Variants in STK39 observed in about 807,000 individuals in gnomAD.
STK39 encodes STE20/SPS1-related proline-alanine-rich protein kinase.
A neutral mutation model predicts 77.8 loss-of-function variants in STK39; 20 were observed. That is an observed-to-expected ratio of 0.26 (90% CI 0.18 to 0.37). The LOEUF (loss-of-function observed/expected upper bound fraction) is 0.37. STK39 is among the 10% of genes least tolerant of loss of function. The probability of loss-of-function intolerance (pLI) is 1.00; values close to 1 mark genes in which losing one functional copy is unlikely to be tolerated. For missense variants in STK39, 479 were observed against 656.5 expected (o/e 0.73, Z 2.95); for synonymous variants, 246 against 234.1 (o/e 1.05, Z -0.47).
chr2:168,098,698 T>G (rs556102797), intron 10 of STK39, among the ~76,000 whole-genome samples: 51 of 152,288 alleles, frequency 3.3e-4, no homozygotes, highest in Non-Finnish European at 6.9e-4. Flanking sequence ...CTTTCTTTTC[T>G]TGTCTCCTCT....
chr2:168,124,525 G>A (rs897343370), intron 10 of STK39, among the ~76,000 whole-genome samples: 2 of 152,014 alleles, frequency 1.3e-5, no homozygotes, highest in South Asian at 4.2e-4. Flanking sequence ...TCAGCCTCCC[G>A]AGTAGCTGGG....
At chr2:168,185,671 A>G (rs866991478) in intron 1 of STK39, among the ~76,000 whole-genome samples, 40 of 152,218 alleles carry the variant, frequency 2.6e-4, no homozygotes, top group African/African-American at 8.9e-4. Flanking sequence ...ATGAAAAACT[A>G]CAGTGTTTAT....
chr2:168,104,316 G>GA (rs1315323532), intron 10 of STK39, among the ~76,000 whole-genome samples: 4 of 151,660 alleles, frequency 2.6e-5, no homozygotes, highest in African/African-American at 7.3e-5. Flanking sequence ...TAATCATTAG[G>GA]AAAAAAAATC....
chr2:168,061,488 T>G (rs1685664043), intron 14 of STK39, among the ~76,000 whole-genome samples: 1 of 152,246 alleles, frequency 6.6e-6, no homozygotes, highest in Non-Finnish European at 1.5e-5. Flanking sequence ...TGTGCGTGTG[T>G]GTGCACATGC....
chr2:168,018,520 AAAAGAAAGAAAAG>A (rs142325773), intron 14 of STK39, among the ~76,000 whole-genome samples: 2,926 of 112,600 alleles, frequency 0.026, 145 homozygotes, highest in African/African-American at 0.1. Context: ...GAAAAGAAAG[AAAAGAAAGAAAAG>A]AAAGAAAAGA....
intron 2 of STK39, 99 bp from the exon 3 acceptor site, chr2:168,167,506 C>G: frequency 2.0e-6 from 2 of 1,015,156 alleles, no homozygotes; most frequent in South Asian, 2.9e-5. Flanking sequence ...CTTTCCTACT[C>G]GAAAGCCTAC....
Position 167,964,800 on chromosome 2 carries a change from A to G in STK39, c.1499-74T>C, listed in dbSNP as rs926067283. 4.5e-6 allele frequency: 6 copies of G among 1,331,016 alleles called. No homozygotes were observed. The African/African-American group carries it at 7.3e-5, about 16-fold the overall frequency. The allele number at this position is 1,331,016 out of a possible 1,614,324, so 82.5% of individuals were successfully genotyped here. ...CAGTGGATTTTCACATCAATGACTCAGAAAATTTGACTAATGATGCAATAA... is the reference window on the plus strand; with the variant it reads ...CAGTGGATTTTCACATCAATGACTCGGAAAATTTGACTAATGATGCAATAA... On this transcript the variant is annotated intron_variant, in intron 16 of 17. Coordinates refer to ENST00000355999, the MANE Select transcript of STK39 (RefSeq NM_013233.3).
At chr2:168,163,534 T>TA (rs1688627293) in intron 4 of STK39, 1 of 932,966 alleles carries the variant, frequency 1.1e-6, no homozygotes, top group Non-Finnish European at 1.3e-6. Flanking sequence ...TAGACTAAGT[T>TA]AAAGTAATGT....
At chr2:168,119,199 G>T (rs1339362277) in intron 10 of STK39, among the ~76,000 whole-genome samples, 1 of 152,164 alleles carries the variant, frequency 6.6e-6, no homozygotes, top group Non-Finnish European at 1.5e-5. Flanking sequence ...GGCCGATGTG[G>T]ATCACTGGGA....
chr2:167,972,917 T>G (rs535047674), intron 16 of STK39, among the ~76,000 whole-genome samples: 1 of 152,296 alleles, frequency 6.6e-6, no homozygotes, highest in Admixed American at 6.5e-5. Context: ...CCTTAATTTT[T>G]GGGCAGCTGT....
At chr2:168,174,867 G>C (rs1170975540) in intron 2 of STK39, among the ~76,000 whole-genome samples, 4 of 145,170 alleles carry the variant, frequency 2.8e-5, no homozygotes, top group Non-Finnish European at 6.0e-5. Context: ...CAAGAAACCA[G>C]AAACAGAAAC....
intron 10 of STK39, among the ~76,000 whole-genome samples, chr2:168,086,013 G>T (rs1686357227): frequency 1.3e-5 from 2 of 152,186 alleles, no homozygotes; most frequent in African/African-American, 4.8e-5. Flanking sequence ...GCAGTGGCAT[G>T]ACACTAGAAG....
chr2:167,994,811 C>T lies in STK39; in HGVS notation c.1498+17823G>A, dbSNP rs184692504. Among the ~76,000 whole-genome samples the T allele has an allele frequency of 2.1e-3, 316 of 152,196 alleles. 4 individuals are homozygous for T. The highest frequency in any genetic ancestry group is 7.3e-3 in the African/African-American group (305 of 41,540). ...GAAAGAGTTGGTTTTAGTTTTAGGG[C>T]TCCCTGGAGAGAAGTCTCCAGTACA... On this transcript the variant is annotated intron_variant, in intron 16 of 17. Transcript: ENST00000355999.
rs377033817 is a variant in STK39, at chr2:168,139,070, C to A, written c.841-849G>T. ...CTTTCAGATGTGTGAATAGATGAAGCGTGAAAGTGACGGCTTATTGTTTGT... is the reference window on the plus strand; with the variant it reads ...CTTTCAGATGTGTGAATAGATGAAGAGTGAAAGTGACGGCTTATTGTTTGT... On this transcript the variant is annotated intron_variant, in intron 7 of 17. Transcript: ENST00000355999. Among the ~76,000 whole-genome samples, 78 of 152,192 alleles carry A rather than the reference C, an allele frequency of 5.1e-4. 1 individual carries two copies. The highest frequency in any genetic ancestry group is 1.8e-3 in the African/African-American group (74 of 41,510).
At chr2:168,230,744 G>A (rs1244164016) in intron 1 of STK39, among the ~76,000 whole-genome samples, 1 of 151,978 alleles carries the variant, frequency 6.6e-6, no homozygotes, top group Admixed American at 6.6e-5. Context: ...TCAACAAGAG[G>A]CTGCTGCTGA....
intron 1 of STK39, among the ~76,000 whole-genome samples, chr2:168,202,963 T>C (rs1412014255): frequency 1.3e-5 from 2 of 152,152 alleles, no homozygotes; most frequent in African/African-American, 4.8e-5. Context: ...CAGAATGCTA[T>C]TGACAGGAAG....
At chr2:168,008,078 T>G (rs1159645632) in intron 16 of STK39, among the ~76,000 whole-genome samples, 1 of 152,148 alleles carries the variant, frequency 6.6e-6, no homozygotes, top group Non-Finnish European at 1.5e-5. Context: ...GCAACCACTC[T>G]TCTGCTTTCT....
chr2:167,987,377 T>A (rs542567998), intron 16 of STK39, among the ~76,000 whole-genome samples: 12 of 152,130 alleles, frequency 7.9e-5, no homozygotes, highest in African/African-American at 2.7e-4. Context: ...TGTGATAGCA[T>A]CACCCCTCTT....
At chr2:168,139,415 T>C (rs1037713926) in intron 7 of STK39, among the ~76,000 whole-genome samples, 1 of 150,056 alleles carries the variant, frequency 6.7e-6, no homozygotes, top group African/African-American at 2.5e-5. Context: ...AATTTATATA[T>C]ATATATATAA....
Sources: gnomAD v4.1 joint callset for allele counts (sites outside exome capture counted in the v4.1 genomes callset) on GRCh38, gnomAD v4.1.1 for gene constraint, MANE v1.5 for transcripts, NCBI Gene and HGNC (gene_info 2026-07-23, HGNC 2026-07-21) for gene names.